The following CCSER1 variants were observed in gnomAD, a reference collection of about 807,000 sequenced individuals.
The protein encoded by CCSER1 is coiled-coil serine rich protein 1.
A neutral mutation model predicts 82.0 loss-of-function variants in CCSER1; 41 were observed. The observed-to-expected ratio is 0.50, with a 90% CI of 0.39 to 0.65. The LOEUF (loss-of-function observed/expected upper bound fraction) is 0.65. Among genes scored for constraint, CCSER1 ranks in the 30% least tolerant of loss-of-function variants. CCSER1 has a pLI of 0.00. For missense variants in CCSER1, 1,119 were observed against 1,064.2 expected, an observed-to-expected ratio of 1.05 and a Z score of -0.72; for synonymous variants, 414 against 383.9, an observed-to-expected ratio of 1.08 and a Z score of -0.92.
At chr4:90,620,926 G>T (rs1172597265) in intron 5 of CCSER1, among the ~76,000 whole-genome samples, 1 of 152,126 alleles carries the variant, frequency 6.6e-6, no homozygotes, top group Non-Finnish European at 1.5e-5. Context: ...CCATTCTCCT[G>T]CCTCAGCCTC....
chr4:91,199,782 T>A (rs528041460), intron 10 of CCSER1, among the ~76,000 whole-genome samples: 1 of 151,842 alleles, frequency 6.6e-6, no homozygotes, highest in African/African-American at 2.4e-5. Flanking sequence ...AGACAAGAAA[T>A]CTATCTTATT....
intron 5 of CCSER1, among the ~76,000 whole-genome samples, chr4:90,536,358 T>G (rs964284167): frequency 1.1e-4 from 16 of 152,300 alleles, no homozygotes; most frequent in African/African-American, 3.1e-4. Context: ...TATGAATACT[T>G]TACATCTTCT....
chr4:90,335,642 G>A (rs1740244020), intron 3 of CCSER1, among the ~76,000 whole-genome samples: 1 of 152,072 alleles, frequency 6.6e-6, no homozygotes, highest in South Asian at 2.1e-4. Context: ...GGAAAATTTG[G>A]AAAGTTAATA....
intron 9 of CCSER1, among the ~76,000 whole-genome samples, chr4:91,009,967 C>G (rs185562829): frequency 2.3e-3 from 350 of 152,136 alleles, no homozygotes; most frequent in African/African-American, 7.2e-3. Context: ...CTGAATTTGA[C>G]TGTATATTTA....
intron 3 of CCSER1, among the ~76,000 whole-genome samples, chr4:90,378,794 A>G (rs1047454647): frequency 3.3e-5 from 5 of 152,186 alleles, no homozygotes; most frequent in Non-Finnish European, 5.9e-5. Flanking sequence ...ATGTGCAGAT[A>G]CCCTAGATTG....
intron 1 of CCSER1, among the ~76,000 whole-genome samples, chr4:90,238,690 A>G (rs1314935304): frequency 6.6e-6 from 1 of 152,146 alleles, no homozygotes; most frequent in Non-Finnish European, 1.5e-5. Flanking sequence ...ATACATCTGA[A>G]AGAATCAAGA....
At chr4:91,175,233 T>C (rs1260363138) in intron 10 of CCSER1, among the ~76,000 whole-genome samples, 2 of 152,196 alleles carry the variant, frequency 1.3e-5, no homozygotes, top group Non-Finnish European at 2.9e-5. Flanking sequence ...TGATGGACAT[T>C]TGGGTTGGTT....
At chr4:90,770,087 T>G (rs1263052610) in intron 7 of CCSER1, among the ~76,000 whole-genome samples, 3 of 152,184 alleles carry the variant, frequency 2.0e-5, no homozygotes, top group Non-Finnish European at 4.4e-5. Context: ...GTCCTGGGAA[T>G]GCTTCCATGT....
intron 10 of CCSER1, among the ~76,000 whole-genome samples, chr4:91,420,620 A>G (rs1330529621): frequency 1.3e-5 from 2 of 152,152 alleles, no homozygotes; most frequent in Non-Finnish European, 2.9e-5. Flanking sequence ...AGCCCTGTGG[A>G]AAACAATGCA....
At chr4:90,290,621 G>GTCTC (rs142052761) in intron 1 of CCSER1, among the ~76,000 whole-genome samples, 27 of 151,322 alleles carry the variant, frequency 1.8e-4, no homozygotes, top group African/African-American at 5.8e-4. Context: ...CGGTACAACT[G>GTCTC]TCTCTCTCTC....
intron 7 of CCSER1, among the ~76,000 whole-genome samples, chr4:90,790,688 C>T (rs895062761): frequency 6.6e-6 from 1 of 152,168 alleles, no homozygotes; most frequent in African/African-American, 2.4e-5. Flanking sequence ...CTTCAGCTTG[C>T]ACTTCATTGT....
intron 9 of CCSER1, among the ~76,000 whole-genome samples, chr4:90,995,418 G>A (rs1441656376): frequency 6.6e-6 from 1 of 152,070 alleles, no homozygotes; most frequent in Non-Finnish European, 1.5e-5. Flanking sequence ...TGTGGGAGAT[G>A]CAAAAATGAA....
intron 9 of CCSER1, among the ~76,000 whole-genome samples, chr4:90,929,993 A>G (rs1362017125): frequency 6.6e-6 from 1 of 152,248 alleles, no homozygotes; most frequent in Admixed American, 6.5e-5. Context: ...CCATAAATGT[A>G]TACAATTTGT....
chr4:90,445,633 A>T (rs1484358468), intron 4 of CCSER1, among the ~76,000 whole-genome samples: 1 of 152,140 alleles, frequency 6.6e-6, no homozygotes, highest in African/African-American at 2.4e-5. Context: ...TTAGTAAAGT[A>T]TGAAAAATTA....
intron 8 of CCSER1, among the ~76,000 whole-genome samples, chr4:90,873,959 C>T (rs1223231603): frequency 6.6e-6 from 1 of 152,092 alleles, no homozygotes; most frequent in Non-Finnish European, 1.5e-5. Context: ...TATAGGCAAA[C>T]AGTTGCATAT....
intron 9 of CCSER1, among the ~76,000 whole-genome samples, chr4:90,939,313 A>G (rs1025335129): frequency 2.6e-5 from 4 of 152,194 alleles, no homozygotes; most frequent in Non-Finnish European, 5.9e-5. Flanking sequence ...AGATTCCTAA[A>G]TAGTTGAAGA....
intron 5 of CCSER1, among the ~76,000 whole-genome samples, chr4:90,469,934 A>G (rs1764139399): frequency 6.6e-6 from 1 of 152,194 alleles, no homozygotes; most frequent in South Asian, 2.1e-4. Context: ...TAAATCCAAA[A>G]ATATGAAATT....
At chr4:91,306,884 G>T (rs1358810171) in intron 10 of CCSER1, among the ~76,000 whole-genome samples, 1 of 151,842 alleles carries the variant, frequency 6.6e-6, no homozygotes, top group East Asian at 1.9e-4. Flanking sequence ...TTTTTCTGCT[G>T]CACTCTGAGG....
chr4:90,886,604 A>G (rs972538552), intron 8 of CCSER1, among the ~76,000 whole-genome samples: 9 of 152,186 alleles, frequency 5.9e-5, no homozygotes, highest in Non-Finnish European at 1.0e-4. Flanking sequence ...ATTGTAATAA[A>G]AATACATACA....
Sources: allele counts gnomAD v4.1 joint callset (sites outside exome capture counted in the v4.1 genomes callset), GRCh38; gene constraint gnomAD v4.1.1; transcripts MANE v1.5; gene names NCBI Gene and HGNC (gene_info 2026-07-23, HGNC 2026-07-21).